The following ATRX variants were observed in gnomAD, a reference collection of about 807,000 sequenced individuals.
The protein encoded by ATRX is chromatin remodeler ATRX.
ATRX carries 12 observed loss-of-function variants against 172.6 expected under a neutral mutation model. That is an observed-to-expected ratio of 0.07 (90% CI 0.04 to 0.11). The LOEUF (loss-of-function observed/expected upper bound fraction) is 0.11, where lower values mean the gene tolerates loss of function less well. ATRX is among the 10% of genes least tolerant of loss of function. The probability of loss-of-function intolerance (pLI) is 1.00; values close to 1 mark genes in which losing one functional copy is unlikely to be tolerated. For missense variants in ATRX, 1,368 were observed against 1,767.4 expected, an observed-to-expected ratio of 0.77 and a Z score of 4.05; for synonymous variants, 674 against 594.7, an observed-to-expected ratio of 1.13 and a Z score of -1.94.
chrX:77,538,230 AACACACACACAC>A (rs34675782), intron 30 of ATRX, among the ~76,000 whole-genome samples: 27 of 95,992 alleles, frequency 2.8e-4, no homozygotes, highest in African/African-American at 8.4e-4. Flanking sequence ...TACACACACA[AACACACACACAC>A]ACACACACAC....
chrX:77,657,023 T>G (rs1174685625), intron 12 of ATRX, among the ~76,000 whole-genome samples: 1 of 111,344 alleles, frequency 9.0e-6, no homozygotes, highest in Non-Finnish European at 1.9e-5. Context: ...CAAGATGGAG[T>G]AAGATTACAG....
intron 1 of ATRX, among the ~76,000 whole-genome samples, chrX:77,750,262 T>C (rs1320017991): frequency 9.0e-6 from 1 of 111,665 alleles, no homozygotes; most frequent in Admixed American, 9.6e-5. Flanking sequence ...GATTCAGTAC[T>C]ATCCACAGTT....
At chrX:77,737,294 G>A (rs782341001) in intron 1 of ATRX, among the ~76,000 whole-genome samples, 5 of 107,692 alleles carry the variant, frequency 4.6e-5, no homozygotes, top group Admixed American at 1.0e-4. Flanking sequence ...TTGGTGGTGG[G>A]CGCCTGTAAT....
intron 27 of ATRX, among the ~76,000 whole-genome samples, chrX:77,582,552 C>A (rs2065863990): frequency 9.1e-6 from 1 of 109,995 alleles, no homozygotes; most frequent in East Asian, 2.9e-4. Flanking sequence ...ATCAATGAAA[C>A]AAAAAACAGG....
intron 22 of ATRX, among the ~76,000 whole-genome samples, chrX:77,605,853 G>T (rs1298716852): frequency 9.0e-6 from 1 of 110,943 alleles, no homozygotes; most frequent in African/African-American, 3.3e-5. Flanking sequence ...CTTTTAGTCA[G>T]ACTACTTATG....
intron 2 of ATRX, among the ~76,000 whole-genome samples, chrX:77,712,497 G>C (rs192644876): frequency 8.9e-6 from 1 of 112,340 alleles, no homozygotes; most frequent in Non-Finnish European, 1.9e-5. Context: ...CTGAAACTGT[G>C]GGTACAATGA....
At chrX:77,707,801 C>A (rs2072910031) in intron 2 of ATRX, among the ~76,000 whole-genome samples, 1 of 111,634 alleles carries the variant, frequency 9.0e-6, no homozygotes, top group African/African-American at 3.3e-5. Flanking sequence ...GGAATATATA[C>A]AAACTACAAA....
At chrX:77,553,049 G>C (rs1207549158) in intron 30 of ATRX, among the ~76,000 whole-genome samples, 1 of 111,132 alleles carries the variant, frequency 9.0e-6, no homozygotes, top group Non-Finnish European at 1.9e-5. Flanking sequence ...TATAATAACA[G>C]GAACCAACTT....
Position 77,558,759 on chromosome X carries a change from A to C in ATRX, c.6414T>G (p.Ser2138=), listed in dbSNP as rs1557060338. 4.2e-6 allele frequency: 5 copies of C among 1,201,816 alleles called. No homozygotes were observed. The highest frequency in any genetic ancestry group is 2.2e-5 in the Admixed American group (1 of 45,974). Residue 2138 remains serine, a synonymous_variant, in exon 29 of 35, where the codon TCT becomes TCG. Coordinates refer to ENST00000373344, the MANE Select transcript of ATRX (RefSeq NM_000489.6). ...TCTGGATGTCATAAGATGGATTCCA[A>C]GAAGCGTCGAATATAATTACTCGAT... ...AANRVIIFDA[S]WNPSYDIQSI...
chrX:77,603,714 T>C (rs1469264607), intron 22 of ATRX, among the ~76,000 whole-genome samples: 2 of 110,797 alleles, frequency 1.8e-5, no homozygotes, highest in Non-Finnish European at 3.8e-5. Flanking sequence ...AGGTATCACA[T>C]TACTTGACTT....
intron 30 of ATRX, among the ~76,000 whole-genome samples, chrX:77,529,982 A>G (rs1385659445): frequency 8.9e-6 from 1 of 111,971 alleles, no homozygotes; most frequent in Non-Finnish European, 1.9e-5. Context: ...CTTCACCCAA[A>G]AACAACAGAA....
At chrX:77,524,721 A>T (rs1165761629) in intron 30 of ATRX, among the ~76,000 whole-genome samples, 1 of 110,251 alleles carries the variant, frequency 9.1e-6, no homozygotes, top group African/African-American at 3.3e-5. Context: ...CTTAATAGAT[A>T]CAACCATAAT....
Position 77,717,153 on chromosome X carries a change from T to C in ATRX, c.111A>G (p.Arg37=). Residue 37 remains arginine, a synonymous_variant, in exon 2 of 35, where the codon CGA becomes CGG. Coordinates refer to ENST00000373344, the MANE Select transcript of ATRX (RefSeq NM_000489.6). Reference sequence around the variant, plus strand: ...TACCTGTGTTTTGATTCATTGCAAGTCGTGGAGGAGAACTTGTTTCTTCAG... The same window carrying C: ...TACCTGTGTTTTGATTCATTGCAAGCCGTGGAGGAGAACTTGTTTCTTCAG... ...EESEETSSPP[R]LAMNQNTDKI... The C allele has an allele frequency of 8.3e-7, 1 of 1,208,315 alleles. No individual in the cohort carries two copies. Among genetic ancestry groups the C allele is most frequent in the Non-Finnish European group, 1.1e-6 (1 of 892,440 alleles).
At chrX:77,584,806 T>C (rs1557075960) in intron 27 of ATRX, among the ~76,000 whole-genome samples, 4 of 110,854 alleles carry the variant, frequency 3.6e-5, no homozygotes, top group Non-Finnish European at 3.8e-5. Context: ...AACAGACAAA[T>C]GTGATTTCAT....
At chrX:77,539,068 T>C (rs2063867789) in intron 30 of ATRX, among the ~76,000 whole-genome samples, 1 of 109,792 alleles carries the variant, frequency 9.1e-6, no homozygotes, top group African/African-American at 3.3e-5. Flanking sequence ...CTAATTTTTC[T>C]ACTTTTAGTA....
rs1365924325 is a variant in ATRX at position 77,628,056 on chromosome X, CAGA to C, written c.5134+5148_5134+5150del. ...ATGGCAGCCATGAGGCTCTGGAGAGCAGAAGAACAGGAATTTAGAGAAAGACTT... is the reference window on the plus strand; with the variant it reads ...ATGGCAGCCATGAGGCTCTGGAGAGCAGAACAGGAATTTAGAGAAAGACTT... On this transcript the variant is annotated intron_variant, in intron 19 of 34. Transcript: ENST00000373344. Among the ~76,000 whole-genome samples the C allele has an allele frequency of 8.0e-5, 9 of 111,999 alleles. 1 individual carries two copies. Among genetic ancestry groups the C allele is most frequent in the South Asian group, 3.7e-4 (1 of 2,736 alleles).
At chrX:77,705,472 C>T (rs1056518607) in intron 2 of ATRX, among the ~76,000 whole-genome samples, 6 of 112,280 alleles carry the variant, frequency 5.3e-5, no homozygotes, top group Non-Finnish European at 1.1e-4. Context: ...CCACTCCAGA[C>T]GGCCCACCGC....
chrX:77,744,160 A>C (rs2074979713), intron 1 of ATRX, among the ~76,000 whole-genome samples: 1 of 111,969 alleles, frequency 8.9e-6, no homozygotes, highest in Non-Finnish European at 1.9e-5. Flanking sequence ...CTAAAAGAAA[A>C]TTGAAAATTA....
intron 9 of ATRX, among the ~76,000 whole-genome samples, chrX:77,679,002 A>AAACT (rs1248134870): frequency 9.0e-6 from 1 of 110,695 alleles, no homozygotes; most frequent in African/African-American, 3.3e-5. Context: ...TAACCTTCTA[A>AAACT]AACTGTGACC....
Sources: gnomAD v4.1 joint callset for allele counts (sites outside exome capture counted in the v4.1 genomes callset) on GRCh38, gnomAD v4.1.1 for gene constraint, MANE v1.5 for transcripts, NCBI Gene and HGNC (gene_info 2026-07-23, HGNC 2026-07-21) for gene names.